The following PAPPA variants were observed in gnomAD, a reference collection of about 807,000 sequenced individuals.
The protein encoded by PAPPA is pappalysin 1.
Under a neutral mutation model 164.0 loss-of-function variants are expected in PAPPA, and 60 were observed. The observed-to-expected ratio is 0.37, with a 90% CI of 0.30 to 0.45. PAPPA has a LOEUF of 0.45. Among genes scored for constraint, PAPPA ranks in the 20% least tolerant of loss-of-function variants. PAPPA has a pLI of 1.00. For missense variants in PAPPA, 1,782 were observed against 2,087.3 expected, an observed-to-expected ratio of 0.85 and a Z score of 2.85; for synonymous variants, 875 against 814.1, an observed-to-expected ratio of 1.07 and a Z score of -1.27.
At position 116,377,772 on chromosome 9, in the gene PAPPA, A is replaced by G. The variant is rs183442971; in HGVS notation, c.4677+125A>G. 13 of 700,200 alleles carry G rather than the reference A, an allele frequency of 1.9e-5. No homozygotes were observed. The African/African-American group carries it at 2.3e-4, about 12-fold the overall frequency. The allele number at this position is 700,200 out of a possible 1,614,324, so 43.4% of individuals were successfully genotyped here. On this transcript the variant is annotated intron_variant, in intron 20 of 21. Coordinates refer to ENST00000328252, the MANE Select transcript of PAPPA (RefSeq NM_002581.5). ...TGAGTGTTGAAAATATCCATTTAGC[A>G]GACTTCTTGGACAGGGATTAGCAGC...
Position 116,154,653 on chromosome 9 carries a change from G to T in PAPPA, c.415+66G>T. ...GGCCCCAGAGGCTCGCGGGTGTCTG[G>T]GCGCGGGTGGCGGGCGGGTCGGGGG... On this transcript the variant is annotated intron_variant, in intron 1 of 21. Coordinates refer to ENST00000328252, the MANE Select transcript of PAPPA (RefSeq NM_002581.5). This position sits in a 1 kb window ranked among gnomAD's most constrained non-coding sequence, Gnocchi z 5.2. 2 of 1,257,550 alleles carry T rather than the reference G, an allele frequency of 1.6e-6. No homozygotes were observed. Among genetic ancestry groups the T allele is most frequent in the African/African-American group, 1.6e-5 (1 of 64,382 alleles). 77.9% of individuals were successfully genotyped at this position (1,257,550 alleles called of 1,614,324 possible). A position where few individuals can be genotyped will look rare whatever the true frequency, so the allele number is the denominator to read the frequency against.
At chr9:116,155,232 A>G (rs1336749348) in intron 1 of PAPPA, among the ~76,000 whole-genome samples, 2 of 152,150 alleles carry the variant, frequency 1.3e-5, no homozygotes, top group Non-Finnish European at 1.5e-5. Flanking sequence ...ATACCCCGCC[A>G]GCGTTCCCCA....
At chr9:116,356,572 A>G (rs1846356817) in intron 17 of PAPPA, among the ~76,000 whole-genome samples, 1 of 152,222 alleles carries the variant, frequency 6.6e-6, no homozygotes, top group South Asian at 2.1e-4. Flanking sequence ...TTTTCTGCAT[A>G]TGGCTAGCCA....
At chr9:116,237,456 C>A (rs1348332686) in intron 7 of PAPPA, among the ~76,000 whole-genome samples, 1 of 152,172 alleles carries the variant, frequency 6.6e-6, no homozygotes, top group African/African-American at 2.4e-5. Flanking sequence ...GTTTTAAAAT[C>A]TCAGTTTAAA....
chr9:116,202,270 AC>A (rs925406203), intron 2 of PAPPA, among the ~76,000 whole-genome samples: 2 of 152,132 alleles, frequency 1.3e-5, no homozygotes, highest in African/African-American at 4.8e-5. Flanking sequence ...TCTCAATAAA[AC>A]AGGCCCTGAC....
At chr9:116,345,739 A>T (rs139994969) in intron 14 of PAPPA, among the ~76,000 whole-genome samples, 11 of 152,298 alleles carry the variant, frequency 7.2e-5, no homozygotes, top group African/African-American at 2.2e-4. Flanking sequence ...GAGTCATGGA[A>T]GATAGGACGT....
At chr9:116,267,219 T>G (rs1003383537) in intron 8 of PAPPA, among the ~76,000 whole-genome samples, 1 of 152,210 alleles carries the variant, frequency 6.6e-6, no homozygotes, top group Non-Finnish European at 1.5e-5. Context: ...AAGAACAATT[T>G]AATTTGTTTC....
At chr9:116,287,846 G>A (rs1036051655) in intron 9 of PAPPA, among the ~76,000 whole-genome samples, 1 of 152,166 alleles carries the variant, frequency 6.6e-6, no homozygotes, top group Non-Finnish European at 1.5e-5. Context: ...AGCTAGGACT[G>A]GAGACAACTT....
intron 1 of PAPPA, among the ~76,000 whole-genome samples, chr9:116,170,403 CAA>C (rs1284692074): frequency 6.6e-6 from 1 of 152,074 alleles, no homozygotes; most frequent in Non-Finnish European, 1.5e-5. Flanking sequence ...TTTGTTTATT[CAA>C]ACTCTGCTTT....
intron 17 of PAPPA, among the ~76,000 whole-genome samples, chr9:116,357,778 C>T (rs117956572): frequency 8.6e-5 from 13 of 152,000 alleles, no homozygotes; most frequent in South Asian, 2.1e-4. Flanking sequence ...GGGATGGGGA[C>T]GGGGTCTTTG....
chr9:116,308,029 C>A (rs774068754), intron 10 of PAPPA, among the ~76,000 whole-genome samples: 5 of 152,194 alleles, frequency 3.3e-5, no homozygotes, highest in Non-Finnish European at 7.4e-5. Context: ...TGCACTCCCC[C>A]CAAAGCTGGC....
At chr9:116,206,232 C>T (rs1844233882) in intron 2 of PAPPA, among the ~76,000 whole-genome samples, 1 of 151,972 alleles carries the variant, frequency 6.6e-6, no homozygotes. Flanking sequence ...TCTCCTGGGC[C>T]CACCTATCTC....
chr9:116,154,619 C>A lies in PAPPA; in HGVS notation c.415+32C>A, dbSNP rs778609488. The stretch of plus-strand genomic sequence containing the variant: ...GAGGGCGCCTCGGCGGGCGCTGCAC[C>A]GTCCCTGCGGCCCCAGAGGCTCGCG... On this transcript the variant is annotated intron_variant, in intron 1 of 21. Coordinates refer to ENST00000328252, the MANE Select transcript of PAPPA (RefSeq NM_002581.5). This position sits in a 1 kb window ranked among gnomAD's most constrained non-coding sequence, Gnocchi z 5.2. 2.3e-6 allele frequency: 3 copies of A among 1,296,636 alleles called. No homozygotes were observed. Among genetic ancestry groups the A allele is most frequent in the Middle Eastern group, 2.9e-4 (1 of 3,406 alleles). The allele number at this position is 1,296,636 out of a possible 1,614,324, so 80.3% of individuals were successfully genotyped here. A position where few individuals can be genotyped will look rare whatever the true frequency, so the allele number is the denominator to read the frequency against.
intron 4 of PAPPA, among the ~76,000 whole-genome samples, chr9:116,218,895 C>T (rs1216142762): frequency 6.6e-6 from 1 of 152,140 alleles, no homozygotes; most frequent in African/African-American, 2.4e-5. Context: ...GTAGTGCGTA[C>T]TCCAAAACTC....
intron 1 of PAPPA, among the ~76,000 whole-genome samples, chr9:116,174,291 C>T (rs572978146): frequency 3.3e-5 from 5 of 152,120 alleles, no homozygotes; most frequent in Non-Finnish European, 7.4e-5. Flanking sequence ...CCTTTCTTAT[C>T]TCCCTTTGCC....
chr9:116,189,828 GGCCT>G (rs1844020452), intron 2 of PAPPA, among the ~76,000 whole-genome samples: 2 of 152,120 alleles, frequency 1.3e-5, no homozygotes, highest in South Asian at 4.1e-4. Context: ...AAAGAGCAAG[GGCCT>G]CCCGTGCGTG....
Position 116,154,329 on chromosome 9 carries a change from C to A in PAPPA, c.157C>A (p.Arg53Ser), listed in dbSNP as rs1404330058. The change falls in exon 1 of 22, where the codon CGC becomes AGC. Residue 53 changes from arginine to serine, a missense_variant. Around this residue, in one of 2 missense-constraint regions of PAPPA, gnomAD observed 458 missense variants for 430.3 expected, o/e 1.06. Transcript: ENST00000328252. The surrounding 1 kb of genome is among the most constrained non-coding windows in gnomAD (Gnocchi z 5.2). ...GGCCACCTGCGCCACCCGGGCGGCC[C>A]GCGGCCGCCGCGCCTCGCCGCCGCC... ...GPATCATRAA[R>S]GRRASPPPPP... 2.4e-6 allele frequency: 2 copies of A among 839,830 alleles called. No individual in the cohort carries two copies. Among genetic ancestry groups the A allele is most frequent in the Non-Finnish European group, 2.9e-6 (2 of 701,384 alleles). The allele number at this position is 839,830 out of a possible 1,614,324, so 52.0% of individuals were successfully genotyped here.
At chr9:116,219,277 G>A (rs1844413268) in intron 4 of PAPPA, among the ~76,000 whole-genome samples, 1 of 152,164 alleles carries the variant, frequency 6.6e-6, no homozygotes. Flanking sequence ...CTCATACACT[G>A]GACTGGTCTT....
At chr9:116,243,603 A>T (rs1844761803) in intron 7 of PAPPA, among the ~76,000 whole-genome samples, 2 of 152,224 alleles carry the variant, frequency 1.3e-5, no homozygotes, top group East Asian at 3.8e-4. Flanking sequence ...AGTCATTGTC[A>T]TAATGACTGA....
Sources: gnomAD v4.1 joint callset for allele counts (sites outside exome capture counted in the v4.1 genomes callset) on GRCh38, gnomAD v4.1.1 for gene constraint, gnomAD v4.1.1 regional missense constraint, Gnocchi (gnomAD v3.1) non-coding constraint, MANE v1.5 for transcripts, NCBI Gene and HGNC (gene_info 2026-07-23, HGNC 2026-07-21) for gene names.